The following MYO7B variants were observed in gnomAD, a reference collection of about 807,000 sequenced individuals.
The protein encoded by MYO7B is unconventional myosin-VIIb.
In MYO7B, 212 loss-of-function variants were observed where a neutral mutation model predicts 259.7. That is an observed-to-expected ratio of 0.82 (90% CI 0.73 to 0.91). MYO7B has a LOEUF of 0.91. MYO7B is among the 40% of genes least tolerant of loss of function. The pLI is 0.00. For synonymous variants in MYO7B, 1,197 were observed against 1,166.4 expected (o/e 1.03, Z -0.54); for missense variants, 2,732 against 2,813.5 (o/e 0.97, Z 0.66).
At chr2:127,605,140 C>T (rs1175865618) in intron 19 of MYO7B, among the ~76,000 whole-genome samples, 1 of 152,234 alleles carries the variant, frequency 6.6e-6, no homozygotes, top group Non-Finnish European at 1.5e-5. Context: ...GGAGTGACTC[C>T]GTCTCGCCAG....
In MYO7B at chr2:127,636,717, G is replaced by A; in HGVS notation, c.6208-77G>A. The A allele has an allele frequency of 6.2e-7, 1 of 1,610,542 alleles. No individual in the cohort carries two copies. Among genetic ancestry groups the A allele is most frequent in the African/African-American group, 1.3e-5 (1 of 74,944 alleles). On this transcript the variant is annotated intron_variant, in intron 46 of 47. Coordinates refer to ENST00000409816, the MANE Select transcript of MYO7B (RefSeq NM_001393586.1). This position sits in a 1 kb window ranked among gnomAD's most constrained non-coding sequence, Gnocchi z 4.5. ...TGCAGTCATCTCTGCGGTGTGTCCT[G>A]CCTCTCTCCTGTCCCCTAACACACA...
Position 127,627,168 on chromosome 2 carries a change from C to T in MYO7B, c.4334-16C>T, listed in dbSNP as rs559761308. 1.3e-5 allele frequency: 21 copies of T among 1,604,932 alleles called. No homozygotes were observed. In the Admixed American group the frequency reaches 1.9e-4, roughly 14 times the overall value. ...GGGTCCCATGCAGCCTTCACACTGC[C>T]GTCTCTCCTGGCCAGGCCCCCGCCT... is the stretch of plus-strand genomic sequence containing the variant. On this transcript the variant is annotated splice_polypyrimidine_tract_variant and intron_variant, in intron 32 of 47. Coordinates refer to ENST00000409816, the MANE Select transcript of MYO7B (RefSeq NM_001393586.1). This position sits in a 1 kb window ranked among gnomAD's most constrained non-coding sequence, Gnocchi z 5.6.
intron 6 of MYO7B, 80 bp downstream of exon 6, chr2:127,569,990 A>G (rs1438298612): frequency 1.4e-6 from 2 of 1,466,334 alleles, no homozygotes; most frequent in African/African-American, 1.4e-5. Context: ...GGGGAGGGAC[A>G]GGATAGGCCA....
In MYO7B at chr2:127,539,582, T is replaced by A. The variant is rs1692923434; in HGVS notation, c.-24+3751T>A. ...AGATTTCTCAGGGACTATCTCTACA[T>A]GAGGGAGGGCACCTCACGGGCTATC... is the stretch of plus-strand genomic sequence containing the variant. On this transcript the variant is annotated intron_variant, in intron 1 of 47. Transcript: ENST00000409816. This position sits in a 1 kb window ranked among gnomAD's most constrained non-coding sequence, Gnocchi z 4.0. Among the ~76,000 whole-genome samples, 1 of 151,022 alleles carries A rather than the reference T, an allele frequency of 6.6e-6. No homozygotes were observed. Among genetic ancestry groups the A allele is most frequent in the South Asian group, 2.1e-4 (1 of 4,816 alleles).
At chr2:127,589,067 G>C (rs1228376618) in intron 15 of MYO7B, among the ~76,000 whole-genome samples, 1 of 148,428 alleles carries the variant, frequency 6.7e-6, no homozygotes, top group African/African-American at 2.5e-5. Flanking sequence ...GGATGGGTAT[G>C]TAAGTGGATG....
rs1034660075 is a variant in MYO7B, at chr2:127,566,525, C to T, written c.286-118C>T. On this transcript the variant is annotated intron_variant, in intron 4 of 47. Transcript: ENST00000409816. Reference sequence around the variant, plus strand: ...CCCAGAATCAGATTCTACTTCCCCACCAAAGTCAGTGGCCCTGATAACCCC... The same window carrying T: ...CCCAGAATCAGATTCTACTTCCCCATCAAAGTCAGTGGCCCTGATAACCCC... 3 of 934,014 alleles carry T rather than the reference C, an allele frequency of 3.2e-6. No individual in the cohort carries two copies. The Admixed American group carries it at 9.7e-5, about 30-fold the overall frequency. 57.9% of individuals were successfully genotyped at this position (934,014 alleles called of 1,614,324 possible).
At chr2:127,588,621 C>A in intron 15 of MYO7B, 66 bp downstream of exon 15, 1 of 1,579,774 alleles carries the variant, frequency 6.3e-7, no homozygotes, top group Non-Finnish European at 8.6e-7. Flanking sequence ...CAGACATGTA[C>A]AGGAAAGACT....
chr2:127,632,146 G>T, intron 38 of MYO7B, 100 bp from the exon 39 acceptor site: 1 of 1,397,102 alleles, frequency 7.2e-7, no homozygotes, highest in South Asian at 1.4e-5. Context: ...GGGCCCTCTA[G>T]ACCCCAGGCA....
In MYO7B at chr2:127,565,225, T is replaced by C. The variant is rs1678281227; in HGVS notation, c.133-8T>C. ...ACCCCTCAGGGGAGTCTGCACCCAT[T>C]GTTCCAGGAACACTGGATCCGAGCA... is the stretch of plus-strand genomic sequence containing the variant. On this transcript the variant is annotated splice_polypyrimidine_tract_variant and splice_region_variant and intron_variant, in intron 3 of 47. Transcript: ENST00000409816. 6.2e-7 allele frequency: 1 copy of C among 1,612,718 alleles called. No homozygotes were observed. Among genetic ancestry groups the C allele is most frequent in the African/African-American group, 1.3e-5 (1 of 74,892 alleles).
Position 127,628,219 on chromosome 2 carries a change from A to G in MYO7B, c.4461-153A>G. The G allele has an allele frequency of 1.1e-6, 1 of 902,282 alleles. No individual in the cohort carries two copies. The highest frequency in any genetic ancestry group is 1.8e-6 in the Non-Finnish European group (1 of 569,280). 55.9% of individuals were successfully genotyped at this position (902,282 alleles called of 1,614,324 possible). A position where few individuals can be genotyped will look rare whatever the true frequency, so the allele number is the denominator to read the frequency against. ...CGCCGTCCTTCATTTGTCCAGACCCACAGTGGTGTCTGGCCTAGTCCTGGC... is the reference window on the plus strand; with the variant it reads ...CGCCGTCCTTCATTTGTCCAGACCCGCAGTGGTGTCTGGCCTAGTCCTGGC... On this transcript the variant is annotated intron_variant, in intron 33 of 47. Coordinates refer to ENST00000409816, the MANE Select transcript of MYO7B (RefSeq NM_001393586.1). This position sits in a 1 kb window ranked among gnomAD's most constrained non-coding sequence, Gnocchi z 4.8.
chr2:127,623,598 C>T (rs1035948221), intron 29 of MYO7B, among the ~76,000 whole-genome samples: 1 of 152,192 alleles, frequency 6.6e-6, no homozygotes, highest in African/African-American at 2.4e-5. Flanking sequence ...GCAGCTGCGC[C>T]TCAGCCCCAG....
In MYO7B at chr2:127,576,648, T is replaced by C. The variant is rs762491338; in HGVS notation, c.789T>C (p.Ser263=). 3 of 1,610,940 alleles carry C rather than the reference T, an allele frequency of 1.9e-6. No individual in the cohort carries two copies. The African/African-American group carries it at 4.0e-5, about 22-fold the overall frequency. The part of the protein sequence containing the change: ...HIFYCMLMGV[S]AEDKQLLSLG... Reference sequence around the variant, plus strand: ...TCTACTGCATGCTCATGGGGGTGAGTGCTGAGGACAAGCAGCTGCTGAGCC... The same window carrying C: ...TCTACTGCATGCTCATGGGGGTGAGCGCTGAGGACAAGCAGCTGCTGAGCC... Residue 263 remains serine, a synonymous_variant, in exon 8 of 48, where the codon AGT becomes AGC. Transcript: ENST00000409816. The surrounding 1 kb of genome is among the most constrained non-coding windows in gnomAD (Gnocchi z 4.9).
intron 6 of MYO7B, 123 bp downstream of exon 6, chr2:127,570,033 A>T: frequency 4.9e-6 from 6 of 1,217,212 alleles, no homozygotes; most frequent in Non-Finnish European, 5.5e-6. Flanking sequence ...GACCCTTGGG[A>T]CACAAAACAC....
At chr2:127,545,232 A>G (rs1174084450) in intron 1 of MYO7B, among the ~76,000 whole-genome samples, 2 of 152,244 alleles carry the variant, frequency 1.3e-5, no homozygotes, top group Non-Finnish European at 2.9e-5. Flanking sequence ...GATTGTGTAG[A>G]CAAAAGGTGT....
chr2:127,542,412 G>T (rs1693040320), intron 1 of MYO7B, among the ~76,000 whole-genome samples: 1 of 152,198 alleles, frequency 6.6e-6, no homozygotes, highest in African/African-American at 2.4e-5. Context: ...CAGCTGTGTG[G>T]GGGCCCTTTC....
At position 127,611,673 on chromosome 2, in the gene MYO7B, A is replaced by G. The variant is rs1558834920; in HGVS notation, c.3193-577A>G. Among the ~76,000 whole-genome samples the G allele has an allele frequency of 6.6e-6, 1 of 151,956 alleles. No homozygotes were observed. Among genetic ancestry groups the G allele is most frequent in the South Asian group, 2.1e-4 (1 of 4,820 alleles). ...AAGCTCAGTCCCACACTGAGCTCCA[A>G]TTTTGGCAGCAAATTCTTCTCATGA... On this transcript the variant is annotated intron_variant, in intron 24 of 47. Transcript: ENST00000409816. The surrounding 1 kb of genome is among the most constrained non-coding windows in gnomAD (Gnocchi z 5.4).
chr2:127,598,735 T>A (rs1053258029), intron 19 of MYO7B, among the ~76,000 whole-genome samples: 2 of 152,216 alleles, frequency 1.3e-5, no homozygotes, highest in Non-Finnish European at 2.9e-5. Context: ...TACATTCCCA[T>A]TTTGAATTAA....
In MYO7B at chr2:127,584,814, G is replaced by C. The variant is rs373230646; in HGVS notation, c.1591G>C (p.Val531Leu). 2.0e-5 allele frequency: 32 copies of C among 1,613,796 alleles called. No individual in the cohort carries two copies. Among genetic ancestry groups the C allele is most frequent in the Non-Finnish European group, 2.6e-5 (31 of 1,179,878 alleles). ...DLTMLQKLNS[V>L]HANNKAFLQP... ...CACCATGCTGCAAAAGCTGAACAGCGTCCATGCCAACAACAAGGCCTTCCT... is the reference window on the plus strand; with the variant it reads ...CACCATGCTGCAAAAGCTGAACAGCCTCCATGCCAACAACAAGGCCTTCCT... Residue 531 changes from valine (V) to leucine (L), a missense_variant, in exon 14 of 48, where the codon GTC (valine) becomes CTC (leucine). Around this residue, in one of 3 missense-constraint regions of MYO7B, gnomAD observed 1,906 missense variants for 2,026.4 expected, o/e 0.94. Transcript: ENST00000409816. This position sits in a 1 kb window ranked among gnomAD's most constrained non-coding sequence, Gnocchi z 5.8.
At chr2:127,578,416 A>G (rs1678966694) in intron 9 of MYO7B, 130 bp downstream of exon 9, 2 of 1,214,890 alleles carry the variant, frequency 1.6e-6, no homozygotes, top group Non-Finnish European at 1.1e-6. Flanking sequence ...AAATATATCT[A>G]AAAAATTCAG....
Sources: gnomAD v4.1 joint callset for allele counts (sites outside exome capture counted in the v4.1 genomes callset) on GRCh38, gnomAD v4.1.1 for gene constraint, gnomAD v4.1.1 regional missense constraint, Gnocchi (gnomAD v3.1) non-coding constraint, MANE v1.5 for transcripts, NCBI Gene and HGNC (gene_info 2026-07-23, HGNC 2026-07-21) for gene names.